The following GALC variants were observed in gnomAD, a reference collection of about 807,000 sequenced individuals.
GALC encodes the protein galactosylceramidase.
Under a neutral mutation model 91.8 loss-of-function variants are expected in GALC, and 77 were observed. The observed-to-expected ratio is 0.84, with a 90% CI of 0.70 to 1.01. GALC has a LOEUF of 1.01. GALC is among the 50% of genes least tolerant of loss of function. The probability of loss-of-function intolerance (pLI) is 0.00; values close to 1 mark genes in which losing one functional copy is unlikely to be tolerated. For synonymous variants in GALC, 357 were observed against 306.7 expected (o/e 1.16, Z -1.71); for missense variants, 882 against 855.9 (o/e 1.03, Z -0.38).
chr14:87,948,997 T>C (rs1370062499), intron 12 of GALC, among the ~76,000 whole-genome samples: 4 of 151,964 alleles, frequency 2.6e-5, no homozygotes, highest in Non-Finnish European at 4.4e-5. Flanking sequence ...ACCTGGGATA[T>C]AAAGCTAAAT....
At chr14:87,962,956 T>C (rs1003733685) in intron 10 of GALC, among the ~76,000 whole-genome samples, 2 of 152,130 alleles carry the variant, frequency 1.3e-5, no homozygotes, top group Admixed American at 1.3e-4. Flanking sequence ...GTCAGACCTA[T>C]TCCCTTCCTA....
chr14:87,951,485 A>G (rs1885306463), intron 10 of GALC, among the ~76,000 whole-genome samples: 1 of 151,930 alleles, frequency 6.6e-6, no homozygotes, highest in Non-Finnish European at 1.5e-5. Context: ...GAACAACACT[A>G]CCAAACAACA....
rs776900917 is a variant in GALC at position 87,939,929 on chromosome 14, C to T, written c.1887G>A (p.Trp629Ter). ...LGRVEVTAKK[W>*]YTLTLTIKGH... ...CCTTAATAGTTAACGTGAGTGTATA[C>T]CATTTTTTTGCTGTAACTTCAACAC... The change falls in exon 16 of 17, where the codon TGG becomes TGA. Residue 629 changes from tryptophan (W) to a stop codon, truncating the protein, a stop_gained. Transcript: ENST00000261304. LOFTEE classifies it low-confidence loss of function (END_TRUNC). 3 of 1,610,358 alleles carry T rather than the reference C, an allele frequency of 1.9e-6. No individual in the cohort carries two copies. Among genetic ancestry groups the T allele is most frequent in the African/African-American group, 2.7e-5 (2 of 74,728 alleles).
Position 87,952,959 on chromosome 14 carries a change from TG to T in GALC, c.1162-2212del. ...ACAGCCTAAACATCAGTCAGATATC[TG>T]TGGTCAGAACTTTCACTCAAATTTG... On this transcript the variant is annotated intron_variant, in intron 10 of 16. Transcript: ENST00000261304. 7 of 909,326 alleles carry T rather than the reference TG, an allele frequency of 7.7e-6. No homozygotes were observed. The South Asian group carries it at 9.3e-5, about 12-fold the overall frequency. The allele number at this position is 909,326 out of a possible 1,614,324, so 56.3% of individuals were successfully genotyped here. A position where few individuals can be genotyped will look rare whatever the true frequency, so the allele number is the denominator to read the frequency against.
At chr14:87,977,662 C>T (rs1185528960) in intron 6 of GALC, among the ~76,000 whole-genome samples, 1 of 152,154 alleles carries the variant, frequency 6.6e-6, no homozygotes, top group Non-Finnish European at 1.5e-5. Flanking sequence ...AGCAGATGCT[C>T]AATACTACTG....
At position 87,963,489 on chromosome 14, in the gene GALC, T is replaced by G; in HGVS notation, c.1056A>C (p.Gln352His). ...WVSAHTTQFT[Q>H]PGWYYLKTVG... Reference sequence around the variant, plus strand: ...CTGTCTTCAGGTAATACCAGCCAGGTTGAGTAAACTGAGTGGTATGAGCTA... The same window carrying G: ...CTGTCTTCAGGTAATACCAGCCAGGGTGAGTAAACTGAGTGGTATGAGCTA... The change falls in exon 10 of 17, where the codon CAA becomes CAC. Residue 352 changes from glutamine to histidine, a missense_variant. Gln to His is a conservative substitution (Grantham distance 24). Coordinates refer to ENST00000261304, the MANE Select transcript of GALC (RefSeq NM_000153.4). The G allele has an allele frequency of 6.2e-7, 1 of 1,613,016 alleles. No individual in the cohort carries two copies. Among genetic ancestry groups the G allele is most frequent in the Non-Finnish European group, 8.5e-7 (1 of 1,179,210 alleles).
chr14:87,961,245 T>C (rs450327), intron 10 of GALC, among the ~76,000 whole-genome samples: 146,063 of 152,266 alleles, frequency 0.96, 70,357 homozygotes, highest in East Asian at 1. Context: ...AAATGCATAT[T>C]GAACTACAAT....
intron 1 of GALC, among the ~76,000 whole-genome samples, chr14:87,991,198 G>T (rs1374573429): frequency 6.6e-6 from 1 of 151,944 alleles, no homozygotes; most frequent in Admixed American, 6.6e-5. Context: ...TTGGTTTTTG[G>T]GTTTTTTTGT....
chr14:87,993,479 A>T (rs1032331319), upstream of GALC: 170 of 1,535,158 alleles, frequency 1.1e-4, no homozygotes, highest in Non-Finnish European at 1.4e-4. Flanking sequence ...GAGTGGCCCT[A>T]CCATGGCTCT....
intron 10 of GALC, chr14:87,952,795 T>C (rs904275509): frequency 1.0e-5 from 15 of 1,498,586 alleles, no homozygotes; most frequent in Middle Eastern, 2.4e-4. Flanking sequence ...ACACAGAATA[T>C]AGAATCCCAG....
chr14:87,954,953 T>A, intron 10 of GALC: 1 of 1,486,316 alleles, frequency 6.7e-7, no homozygotes, highest in African/African-American at 1.4e-5. Context: ...TCAAAGCTGA[T>A]AGAGAAGATT....
chr14:87,951,551 G>A (rs1478268612), intron 10 of GALC, among the ~76,000 whole-genome samples: 1 of 151,762 alleles, frequency 6.6e-6, no homozygotes, highest in East Asian at 1.9e-4. Context: ...CTTTTCAAGC[G>A]CACATGGAAC....
intron 12 of GALC, among the ~76,000 whole-genome samples, chr14:87,948,377 G>A (rs1885161736): frequency 6.6e-6 from 1 of 152,018 alleles, no homozygotes; most frequent in Non-Finnish European, 1.5e-5. Flanking sequence ...TTAGGCTTAT[G>A]TCACACTTAC....
rs183716865 is a variant in GALC at position 87,958,337 on chromosome 14, T to C, written c.1161+5047A>G. Among the ~76,000 whole-genome samples, 311 of 152,216 alleles carry C rather than the reference T, an allele frequency of 2.0e-3. 1 individual carries two copies. Among genetic ancestry groups the C allele is most frequent in the African/African-American group, 7.3e-3 (303 of 41,534 alleles). On this transcript the variant is annotated intron_variant, in intron 10 of 16. Coordinates refer to ENST00000261304, the MANE Select transcript of GALC (RefSeq NM_000153.4). ...TGAGTCCAATAAGTTAAGATGTATA[T>C]GGTAAGCCCCAGAATAATCACTAAA... is the stretch of plus-strand genomic sequence containing the variant.
At chr14:87,975,446 T>C (rs959253299) in intron 7 of GALC, among the ~76,000 whole-genome samples, 4 of 152,090 alleles carry the variant, frequency 2.6e-5, no homozygotes, top group Non-Finnish European at 5.9e-5. Context: ...AATGGTATTG[T>C]TTATGGTAAG....
At position 87,993,015 on chromosome 14, in the gene GALC, C is replaced by A; in HGVS notation, c.150G>T (p.Gly50=). 1 of 1,544,744 alleles carries A rather than the reference C, an allele frequency of 6.5e-7. No individual in the cohort carries two copies. Among genetic ancestry groups the A allele is most frequent in the Non-Finnish European group, 8.7e-7 (1 of 1,151,944 alleles). The part of the protein sequence containing the change: ...GGAYVLDDSD[G]LGREFDGIGA... Reference sequence around the variant, plus strand: ...CGATGCCGTCGAACTCCCGGCCCAGCCCGTCGGAGTCGTCGAGCACGTACG... The same window carrying A: ...CGATGCCGTCGAACTCCCGGCCCAGACCGTCGGAGTCGTCGAGCACGTACG... Residue 50 remains glycine (G), a synonymous_variant, in exon 1 of 17, where the codon GGG becomes GGT. Coordinates refer to ENST00000261304, the MANE Select transcript of GALC (RefSeq NM_000153.4).
chr14:87,954,777 C>T, intron 10 of GALC: 7 of 1,588,470 alleles, frequency 4.4e-6, no homozygotes, highest in Non-Finnish European at 6.0e-6. Context: ...TTCCCAACAT[C>T]ATATATACTG....
chr14:87,949,865 T>A lies in GALC; in HGVS notation c.1318A>T (p.Lys440Ter). ...ATTACCCATAGAGAATCCAGCTGCT[T>A]AAAAAGAAATCTTTCGGATGTTTTT... is the stretch of plus-strand genomic sequence containing the variant. ...LGKTSERFLF[K>*]QLDSLWLLDS... is the part of the protein sequence containing the mutation. Residue 440 changes from lysine to a stop codon, truncating the protein, a stop_gained, in exon 12 of 17, where the codon AAG becomes TAG. Transcript: ENST00000261304. LOFTEE classifies it high-confidence loss of function. 6.3e-7 allele frequency: 1 copy of A among 1,586,128 alleles called. No homozygotes were observed. Among genetic ancestry groups the A allele is most frequent in the Non-Finnish European group, 8.7e-7 (1 of 1,155,382 alleles).
At chr14:87,964,553 TCTC>T (rs1453886924) in intron 9 of GALC, among the ~76,000 whole-genome samples, 3 of 152,148 alleles carry the variant, frequency 2.0e-5, no homozygotes, top group African/African-American at 7.2e-5. Context: ...ATGGTTATTA[TCTC>T]CTCATGAAAA....
Sources: allele counts gnomAD v4.1 joint callset (sites outside exome capture counted in the v4.1 genomes callset), GRCh38; gene constraint gnomAD v4.1.1; transcripts MANE v1.5; gene names NCBI Gene and HGNC (gene_info 2026-07-23, HGNC 2026-07-21).